The following ASH1L variants were observed in gnomAD, a reference collection of about 807,000 sequenced individuals.
The protein encoded by ASH1L is histone-lysine N-methyltransferase ASH1L.
Under a neutral mutation model 269.0 loss-of-function variants are expected in ASH1L, and 23 were observed. That is an observed-to-expected ratio of 0.09 (90% CI 0.06 to 0.12). The LOEUF (loss-of-function observed/expected upper bound fraction) is 0.12. ASH1L is among the 10% of genes least tolerant of loss of function. The probability of loss-of-function intolerance (pLI) is 1.00; values close to 1 mark genes in which losing one functional copy is unlikely to be tolerated. For synonymous variants in ASH1L, 1,187 were observed against 1,253.5 expected, an observed-to-expected ratio of 0.95 and a Z score of 1.12; for missense variants, 2,912 against 3,567.8, an observed-to-expected ratio of 0.82 and a Z score of 4.68.
chr1:155,434,665 A>T (rs1285757290), intron 5 of ASH1L, among the ~76,000 whole-genome samples: 1 of 152,038 alleles, frequency 6.6e-6, no homozygotes, highest in Non-Finnish European at 1.5e-5. Context: ...AGCCTGACCA[A>T]TATGGTAAAA....
chr1:155,407,918 C>G (rs949017017), intron 6 of ASH1L, among the ~76,000 whole-genome samples: 1 of 151,864 alleles, frequency 6.6e-6, no homozygotes, highest in African/African-American at 2.4e-5. Flanking sequence ...GGACAGTTGC[C>G]TAATGGTGGG....
At chr1:155,339,495 G>C (rs930959539) in intron 25 of ASH1L, 127 bp from the exon 26 acceptor site, 2 of 690,732 alleles carry the variant, frequency 2.9e-6, no homozygotes, top group South Asian at 1.9e-5. Context: ...GTTTTAAGAT[G>C]AGAAATTTAG....
intron 12 of ASH1L, among the ~76,000 whole-genome samples, chr1:155,365,853 C>T (rs898054650): frequency 2.0e-5 from 3 of 152,132 alleles, no homozygotes; most frequent in Non-Finnish European, 4.4e-5. Flanking sequence ...TCTTCTCTAC[C>T]TTGGATACAA....
rs768652214 is a variant in ASH1L, at chr1:155,478,081, G to A, written c.4789C>T (p.Pro1597Ser). The change falls in exon 3 of 28, where the codon CCA becomes TCA. Residue 1597 changes from proline (P) to serine (S), a missense_variant. Physicochemically the swap from Pro to Ser is moderately conservative, Grantham distance 74. Transcript: ENST00000392403. The surrounding 1 kb of genome is among the most constrained non-coding windows in gnomAD (Gnocchi z 4.6). ...SLGGFTPNSE[P>S]ASSDEHTNLF... is the part of the protein sequence containing the mutation. ...TTTGTATGTTCATCACTGCTGGCTG[G>A]CTCAGAGTTGGGAGTGAATCCTCCA... 2.6e-5 allele frequency: 42 copies of A among 1,614,026 alleles called. No homozygotes were observed. The highest frequency in any genetic ancestry group is 3.3e-5 in the Admixed American group (2 of 59,996).
At chr1:155,427,866 C>T (rs1661278114) in intron 5 of ASH1L, among the ~76,000 whole-genome samples, 1 of 152,130 alleles carries the variant, frequency 6.6e-6, no homozygotes, top group Non-Finnish European at 1.5e-5. Flanking sequence ...AGTTTAGCAC[C>T]ATCCCCCGAT....
At chr1:155,526,027 A>G (rs903848786) in intron 1 of ASH1L, among the ~76,000 whole-genome samples, 2 of 152,020 alleles carry the variant, frequency 1.3e-5, no homozygotes, top group Non-Finnish European at 2.9e-5. Flanking sequence ...TGTTATTTTT[A>G]ATTTTTTCTA....
intron 2 of ASH1L, among the ~76,000 whole-genome samples, chr1:155,506,873 C>T (rs568893607): frequency 1.2e-4 from 18 of 152,212 alleles, no homozygotes; most frequent in Middle Eastern, 3.4e-3. Flanking sequence ...GTAGGAGGAT[C>T]GTTTGACCCC....
intron 2 of ASH1L, among the ~76,000 whole-genome samples, chr1:155,505,817 GA>G (rs1265340703): frequency 2.0e-5 from 3 of 152,002 alleles, no homozygotes; most frequent in Non-Finnish European, 4.4e-5. Context: ...TTATTATCTA[GA>G]AAACCTAACA....
chr1:155,408,471 A>G (rs1324768777), intron 6 of ASH1L, among the ~76,000 whole-genome samples: 2 of 152,190 alleles, frequency 1.3e-5, no homozygotes, highest in Non-Finnish European at 2.9e-5. Context: ...AAAAGAAACC[A>G]AAGCTCCTTG....
intron 6 of ASH1L, among the ~76,000 whole-genome samples, chr1:155,415,474 T>G (rs1660134952): frequency 6.6e-6 from 1 of 151,000 alleles, no homozygotes; most frequent in Non-Finnish European, 1.5e-5. Context: ...AGAAAGACAA[T>G]TAGTCTCATA....
intron 13 of ASH1L, among the ~76,000 whole-genome samples, chr1:155,359,135 T>A (rs982216557): frequency 6.6e-6 from 1 of 152,058 alleles, no homozygotes. Flanking sequence ...CAAAAAACTT[T>A]AAACATTTTA....
intron 1 of ASH1L, among the ~76,000 whole-genome samples, chr1:155,529,958 T>A (rs928804968): frequency 2.6e-5 from 4 of 151,292 alleles, no homozygotes; most frequent in African/African-American, 7.3e-5. Flanking sequence ...AGCAAGACTC[T>A]GTCTCAAAAA....
intron 5 of ASH1L, among the ~76,000 whole-genome samples, chr1:155,418,996 G>A (rs1010115880): frequency 4.6e-5 from 7 of 152,030 alleles, no homozygotes; most frequent in African/African-American, 1.7e-4. Flanking sequence ...GTGTGAACCC[G>A]AGAGCTTGCA....
chr1:155,410,950 T>G (rs758318840), intron 6 of ASH1L, among the ~76,000 whole-genome samples: 1 of 152,230 alleles, frequency 6.6e-6, no homozygotes, highest in Non-Finnish European at 1.5e-5. Context: ...AGTAGATACA[T>G]GTCAGTATAC....
intron 2 of ASH1L, among the ~76,000 whole-genome samples, chr1:155,500,977 A>G (rs1210874895): frequency 6.6e-6 from 1 of 152,120 alleles, no homozygotes; most frequent in Non-Finnish European, 1.5e-5. Context: ...CTAAATAAAA[A>G]GAAACTATAT....
intron 4 of ASH1L, among the ~76,000 whole-genome samples, chr1:155,442,691 A>T (rs1232596417): frequency 6.6e-6 from 1 of 152,020 alleles, no homozygotes; most frequent in Non-Finnish European, 1.5e-5. Context: ...AAACAACTTC[A>T]AAATTATTAT....
rs1206793013 is a variant in ASH1L at position 155,339,336 on chromosome 1, A to G, written c.8493T>C (p.Asn2831=). ...CCCCCCATGGGACTTACCGTCCTCC[A>G]TTCCTCTTGTAGTTGTCTGGGACGT... is the stretch of plus-strand genomic sequence containing the variant. ...PHYVPDNYKR[N]GGRSSWKSER... Residue 2831 remains asparagine (N), a synonymous_variant, in exon 26 of 28, where the codon AAT becomes AAC. Coordinates refer to ENST00000392403, the MANE Select transcript of ASH1L (RefSeq NM_018489.3). 6.2e-7 allele frequency: 1 copy of G among 1,613,616 alleles called. No individual in the cohort carries two copies. The highest frequency in any genetic ancestry group is 8.5e-7 in the Non-Finnish European group (1 of 1,179,650).
upstream of ASH1L, chr1:155,562,822 C>T (rs1230941757): frequency 1.8e-6 from 1 of 551,908 alleles, no homozygotes; most frequent in Non-Finnish European, 3.4e-6. Context: ...CCTCCTCCAC[C>T]TCCTCTTCTC....
intron 1 of ASH1L, among the ~76,000 whole-genome samples, chr1:155,539,091 G>A (rs6696888): frequency 0.5 from 75,309 of 151,904 alleles, 23,073 homozygotes; most frequent in Middle Eastern, 0.68. Context: ...GAATTCTTTA[G>A]GTTCAGTCAG....
Sources: gnomAD v4.1 joint callset for allele counts (sites outside exome capture counted in the v4.1 genomes callset) on GRCh38, gnomAD v4.1.1 for gene constraint, Gnocchi (gnomAD v3.1) non-coding constraint, MANE v1.5 for transcripts, NCBI Gene and HGNC (gene_info 2026-07-23, HGNC 2026-07-21) for gene names.